The following RBPJ variants were observed in gnomAD, a reference collection of about 807,000 sequenced individuals.
The protein encoded by RBPJ is recombination signal binding protein for immunoglobulin kappa J region.
RBPJ carries 9 observed loss-of-function variants against 67.8 expected under a neutral mutation model. The observed-to-expected ratio is 0.13, with a 90% CI of 0.08 to 0.23. The LOEUF is 0.23. RBPJ is among the 10% of genes least tolerant of loss of function. RBPJ has a pLI of 1.00. For synonymous variants in RBPJ, 198 were observed against 203.3 expected (o/e 0.97, Z 0.22); for missense variants, 305 against 595.6 (o/e 0.51, Z 5.08).
At chr4:26,384,472 A>G (rs1730609094) in intron 1 of RBPJ, 1 of 152,152 alleles carries the variant, frequency 6.6e-6, no homozygotes, top group South Asian at 2.1e-4. Context: ...GTCAAATAAG[A>G]CTTCATATCC....
intron 1 of RBPJ, among the ~76,000 whole-genome samples, chr4:26,338,152 C>CTT (rs1725080548): frequency 1.1e-5 from 1 of 92,970 alleles, no homozygotes; most frequent in African/African-American, 4.4e-5. Context: ...GTGTATTTTT[C>CTT]TTTCTTTTTT....
chr4:26,182,403 A>G (rs1717041407), intron 1 of RBPJ, among the ~76,000 whole-genome samples: 1 of 152,188 alleles, frequency 6.6e-6, no homozygotes. Flanking sequence ...TTTAGCTTAA[A>G]ACAGATTGTA....
At chr4:26,405,650 T>TA (rs2109741754) in intron 2 of RBPJ, among the ~76,000 whole-genome samples, 1 of 152,302 alleles carries the variant, frequency 6.6e-6, no homozygotes, top group African/African-American at 2.4e-5. Flanking sequence ...ATGTGAACTA[T>TA]AGGCCTTTCT....
At chr4:26,331,480 A>G (rs978049319) in intron 1 of RBPJ, among the ~76,000 whole-genome samples, 1 of 151,652 alleles carries the variant, frequency 6.6e-6, no homozygotes, top group South Asian at 2.1e-4. Flanking sequence ...TTTTTCTCAT[A>G]TGTGCAGACT....
At chr4:26,362,300 T>C (rs1363961463) in intron 1 of RBPJ, 2 of 333,504 alleles carry the variant, frequency 6.0e-6, no homozygotes, top group East Asian at 9.8e-5. Flanking sequence ...TCCTCATTCA[T>C]ATGAGGGTTC....
At chr4:26,142,216 T>TGGCAGCTG in the RBPJ span, among the ~76,000 whole-genome samples, 1,889 of 152,348 alleles carry the variant, frequency 0.012, 33 homozygotes, top group African/African-American at 0.043. Flanking sequence ...TCTGTTCATC[T>TGGCAGCTG]GGCAGCTGGG....
At chr4:26,109,792 G>A in the RBPJ span, among the ~76,000 whole-genome samples, 1 of 146,664 alleles carries the variant, frequency 6.8e-6, no homozygotes, top group Non-Finnish European at 1.5e-5. Context: ...AACGATTAAA[G>A]TTGAAGCAAC....
chr4:26,139,061 G>T, the RBPJ span, among the ~76,000 whole-genome samples: 4 of 152,230 alleles, frequency 2.6e-5, no homozygotes, highest in Non-Finnish European at 5.9e-5. Context: ...AGCACCTGAG[G>T]TTCCGAGAGG....
At chr4:26,270,868 C>G (rs558209648) in intron 1 of RBPJ, among the ~76,000 whole-genome samples, 2 of 151,958 alleles carry the variant, frequency 1.3e-5, no homozygotes, top group Non-Finnish European at 2.9e-5. Flanking sequence ...TAAAATCCGC[C>G]TCCCCCCCAC....
chr4:26,118,357 A>T, the RBPJ span, among the ~76,000 whole-genome samples: 1 of 152,332 alleles, frequency 6.6e-6, no homozygotes, highest in African/African-American at 2.4e-5. Context: ...ATCCTACAGC[A>T]TTAATCATTC....
chr4:26,197,927 C>T (rs1299674498), intron 1 of RBPJ, among the ~76,000 whole-genome samples: 1 of 152,124 alleles, frequency 6.6e-6, no homozygotes, highest in Non-Finnish European at 1.5e-5. Context: ...CGGCCACTTT[C>T]CATATATTAC....
At chr4:26,147,212 A>T in the RBPJ span, among the ~76,000 whole-genome samples, 1 of 152,216 alleles carries the variant, frequency 6.6e-6, no homozygotes, top group African/African-American at 2.4e-5. Context: ...TGTTTAGCAG[A>T]AAGACAGTTA....
At chr4:26,347,024 G>A (rs1280173844) in intron 1 of RBPJ, among the ~76,000 whole-genome samples, 2 of 151,970 alleles carry the variant, frequency 1.3e-5, no homozygotes, top group East Asian at 3.9e-4. Flanking sequence ...ATAAAAATTT[G>A]TCAAGAAGGA....
At chr4:26,132,299 G>T in the RBPJ span, among the ~76,000 whole-genome samples, 4 of 152,110 alleles carry the variant, frequency 2.6e-5, no homozygotes, top group African/African-American at 9.7e-5. Context: ...AGGACCCTTG[G>T]GCCCCACTTT....
chr4:26,167,840 A>G (rs1716380775), intron 1 of RBPJ, among the ~76,000 whole-genome samples: 1 of 151,842 alleles, frequency 6.6e-6, no homozygotes, highest in South Asian at 2.1e-4. Flanking sequence ...TCAGTATGAT[A>G]TTGGCTGTGG....
Position 26,227,439 on chromosome 4 carries a change from C to T in RBPJ, c.-167+63825C>T, listed in dbSNP as rs192295122. On this transcript the variant is annotated intron_variant, in intron 1 of 4. Coordinates refer to the RBPJ transcript ENST00000512351. ...ATAAGACAATGTAAAGAGCTTGGCA[C>T]ATGATAAGTGACAATAAGTATTAGC... 3.6e-3 allele frequency among the ~76,000 whole-genome samples: 555 copies of T among 152,228 alleles called. 4 individuals carry two copies. Among genetic ancestry groups the T allele is most frequent in the African/African-American group, 0.013 (531 of 41,540 alleles).
rs1720632624 is a variant in RBPJ at position 26,264,009 on chromosome 4, G to A, written c.-166-98437G>A. On this transcript the variant is annotated intron_variant, in intron 1 of 4. Transcript: ENST00000512351. This position sits in a 1 kb window ranked among gnomAD's most constrained non-coding sequence, Gnocchi z 4.1. ...CCTGTCTCAGCCTCCTGAGTAGCTG[G>A]GACTACAGACGTGTGCCACCACGTC... Among the ~76,000 whole-genome samples, 1 of 152,034 alleles carries A rather than the reference G, an allele frequency of 6.6e-6. No individual in the cohort carries two copies. Among genetic ancestry groups the A allele is most frequent in the Non-Finnish European group, 1.5e-5 (1 of 68,038 alleles).
At chr4:26,186,622 A>C (rs1346346747) in intron 1 of RBPJ, among the ~76,000 whole-genome samples, 1 of 152,156 alleles carries the variant, frequency 6.6e-6, no homozygotes, top group African/African-American at 2.4e-5. Flanking sequence ...TGTACAGGCC[A>C]AGGCTTGGCC....
chr4:26,244,286 T>C (rs1719796129), intron 1 of RBPJ, among the ~76,000 whole-genome samples: 1 of 150,806 alleles, frequency 6.6e-6, no homozygotes. Flanking sequence ...TGTGTGTATA[T>C]GTATACACAT....
Sources: gnomAD v4.1 joint callset for allele counts (sites outside exome capture counted in the v4.1 genomes callset) on GRCh38, gnomAD v4.1.1 for gene constraint, Gnocchi (gnomAD v3.1) non-coding constraint, MANE v1.5 for transcripts, NCBI Gene and HGNC (gene_info 2026-07-23, HGNC 2026-07-21) for gene names.